Variants in RIMS3 observed in about 807,000 individuals in gnomAD.
The protein encoded by RIMS3 is regulating synaptic membrane exocytosis protein 3.
A neutral mutation model predicts 29.2 loss-of-function variants in RIMS3; 15 were observed. The observed-to-expected ratio is 0.51, with a 90% CI of 0.34 to 0.79. The LOEUF is 0.79. RIMS3 is among the 30% of genes least tolerant of loss of function. RIMS3 has a pLI of 0.01. For missense variants in RIMS3, 342 were observed against 421.4 expected (o/e 0.81, Z 1.65); for synonymous variants, 161 against 170.1 (o/e 0.95, Z 0.41).
Position 40,654,411 on chromosome 1 carries a change from C to G in RIMS3, c.-206-6569G>C, listed in dbSNP as rs937901322. On this transcript the variant is annotated intron_variant, in intron 1 of 7. Transcript: ENST00000372684. This position sits in a 1 kb window ranked among gnomAD's most constrained non-coding sequence, Gnocchi z 5.3. ...CTTTCAGGGCACAAAGACCCGCACG[C>G]AAGCCATACACCTCCGGTTGGCCAC... is the stretch of plus-strand genomic sequence containing the variant. 6.6e-6 allele frequency among the ~76,000 whole-genome samples: 1 copy of G among 152,196 alleles called. No individual in the cohort carries two copies. Among genetic ancestry groups the G allele is most frequent in the Non-Finnish European group, 1.5e-5 (1 of 68,034 alleles).
At chr1:40,644,198 G>A (rs562787374) in intron 2 of RIMS3, among the ~76,000 whole-genome samples, 32 of 152,326 alleles carry the variant, frequency 2.1e-4, no homozygotes, top group Non-Finnish European at 3.4e-4. Context: ...CCTAGGGCCC[G>A]CCCTGCGCTG....
intron 2 of RIMS3, among the ~76,000 whole-genome samples, chr1:40,644,036 T>G (rs1646578562): frequency 7.5e-6 from 1 of 133,784 alleles, no homozygotes; most frequent in Non-Finnish European, 1.6e-5. Flanking sequence ...GGGGGAAGAT[T>G]TGGATCCCAT....
At chr1:40,669,943 T>C (rs1366863125), upstream of RIMS3, among the ~76,000 whole-genome samples, 1 of 152,126 alleles carries the variant, frequency 6.6e-6, no homozygotes, top group Non-Finnish European at 1.5e-5. Context: ...CACTTAATTA[T>C]CAGAGCCATC....
intron 2 of RIMS3, among the ~76,000 whole-genome samples, chr1:40,646,583 T>C (rs926245548): frequency 1.1e-4 from 17 of 152,262 alleles, no homozygotes; most frequent in African/African-American, 4.1e-4. Context: ...CTGAAGTTCT[T>C]CCTGCTGACT....
At chr1:40,646,947 C>G (rs1646600030) in intron 2 of RIMS3, among the ~76,000 whole-genome samples, 1 of 151,046 alleles carries the variant, frequency 6.6e-6, no homozygotes, top group African/African-American at 2.4e-5. Context: ...GTGGTGCGAT[C>G]TCGACTCACT....
At chr1:40,670,033 C>T (rs1642472505), upstream of RIMS3, among the ~76,000 whole-genome samples, 1 of 152,158 alleles carries the variant, frequency 6.6e-6, no homozygotes, top group African/African-American at 2.4e-5. Flanking sequence ...AGCCTGCCTT[C>T]CTGTCACTCC....
chr1:40,657,045 A>T (rs2148359144), intron 1 of RIMS3, among the ~76,000 whole-genome samples: 1 of 152,324 alleles, frequency 6.6e-6, no homozygotes, highest in South Asian at 2.1e-4. Flanking sequence ...ATCTTTTAGA[A>T]ATTCCTTGGT....
At chr1:40,677,615 G>A in the RIMS3 span, among the ~76,000 whole-genome samples, 61 of 151,904 alleles carry the variant, frequency 4.0e-4, no homozygotes, top group African/African-American at 1.3e-3. Flanking sequence ...GGAGAATGGC[G>A]TGAACCCAGG....
chr1:40,685,359 A>T, the RIMS3 span, among the ~76,000 whole-genome samples: 76 of 44,054 alleles, frequency 1.7e-3, no homozygotes, highest in Non-Finnish European at 1.7e-3. Context: ...TATATTATAT[A>T]ATATAATATA....
At position 40,629,333 on chromosome 1, in the gene RIMS3, A is replaced by G; in HGVS notation, c.512T>C (p.Leu171Pro). The G allele has an allele frequency of 6.2e-7, 1 of 1,614,172 alleles. No homozygotes were observed. Among genetic ancestry groups the G allele is most frequent in the Non-Finnish European group, 8.5e-7 (1 of 1,180,024 alleles). ...HIAIMDRSGQLEVEVIEARGL... is the reference protein window; with the variant it reads ...HIAIMDRSGQPEVEVIEARGL... ...CCGAGCTTCAATCACTTCCACCTCC[A>G]GCTGGCCACTCCGGTCCATGATGGC... Residue 171 changes from leucine to proline, a missense_variant, in exon 6 of 8, where the codon CTG becomes CCG. Transcript: ENST00000372684.
At chr1:40,668,249 C>CAAA (rs35624303), upstream of RIMS3, among the ~76,000 whole-genome samples, 8 of 106,388 alleles carry the variant, frequency 7.5e-5, no homozygotes, top group African/African-American at 3.1e-4. Context: ...GACTCTGTCT[C>CAAA]AAAAAAAAAA....
At chr1:40,688,302 TAGAG>T in the RIMS3 span, among the ~76,000 whole-genome samples, 55 of 152,204 alleles carry the variant, frequency 3.6e-4, no homozygotes, top group African/African-American at 1.3e-3. Flanking sequence ...CACAATGAGA[TAGAG>T]AGGTGTGGCT....
In RIMS3 at chr1:40,626,421, G is replaced by A; in HGVS notation, c.*96C>T. ...AGCCAACAGGCATGCAGCAGGACAA[G>A]GGGTCCAGAAAGACACGAAGACTAT... On this transcript the variant is annotated 3_prime_UTR_variant, in exon 8 of 8. Transcript: ENST00000372684. The A allele has an allele frequency of 8.7e-7, 1 of 1,152,060 alleles. No homozygotes were observed. Among genetic ancestry groups the A allele is most frequent in the Admixed American group, 2.0e-5 (1 of 50,464 alleles). The allele number at this position is 1,152,060 out of a possible 1,614,324, so 71.4% of individuals were successfully genotyped here.
In RIMS3 at chr1:40,641,702, C is replaced by T; in HGVS notation, c.217+7G>A. ...CCTCTACCCCGTGATGTCCCATGCC[C>T]CCTCACCAGGCTGCGGAAGCTGGAG... On this transcript the variant is annotated splice_region_variant and intron_variant, in intron 3 of 7. Coordinates refer to ENST00000372684, the MANE Select transcript of RIMS3 (RefSeq NM_014747.3). 6.2e-7 allele frequency: 1 copy of T among 1,613,960 alleles called. No individual in the cohort carries two copies. The highest frequency in any genetic ancestry group is 1.1e-5 in the South Asian group (1 of 91,048).
intron 3 of RIMS3, among the ~76,000 whole-genome samples, chr1:40,637,987 C>T (rs1436726085): frequency 6.6e-6 from 1 of 152,176 alleles, no homozygotes; most frequent in Non-Finnish European, 1.5e-5. Context: ...CCTCATGACC[C>T]CAACCCTCCT....
intron 1 of RIMS3, among the ~76,000 whole-genome samples, chr1:40,658,667 GGGACACAATACA>G (rs769308649): frequency 6.6e-6 from 1 of 152,208 alleles, no homozygotes; most frequent in Non-Finnish European, 1.5e-5. Context: ...CTGAAACCAA[GGGACACAATACA>G]GGAACTATAG....
chr1:40,663,539 T>A (rs1294356398), intron 1 of RIMS3, among the ~76,000 whole-genome samples: 1 of 152,140 alleles, frequency 6.6e-6, no homozygotes, highest in East Asian at 1.9e-4. Flanking sequence ...TCTTCCCTCC[T>A]TAAAGGGCCA....
intron 1 of RIMS3, among the ~76,000 whole-genome samples, chr1:40,662,520 T>C (rs1339634784): frequency 6.6e-6 from 1 of 152,176 alleles, no homozygotes; most frequent in African/African-American, 2.4e-5. Flanking sequence ...GCCTGGCTCA[T>C]AGAGTCTGAT....
chr1:40,647,054 TATTTTTAGTAGA>T (rs1646600813), intron 2 of RIMS3, among the ~76,000 whole-genome samples: 1 of 152,214 alleles, frequency 6.6e-6, no homozygotes, highest in East Asian at 1.9e-4. Context: ...CTAATTTTTG[TATTTTTAGTAGA>T]GATGGGGTTT....
Sources: gnomAD v4.1 joint callset for allele counts (sites outside exome capture counted in the v4.1 genomes callset) on GRCh38, gnomAD v4.1.1 for gene constraint, Gnocchi (gnomAD v3.1) non-coding constraint, MANE v1.5 for transcripts, NCBI Gene and HGNC (gene_info 2026-07-23, HGNC 2026-07-21) for gene names.